PROX2: variants seen among roughly 807,000 people sequenced by gnomAD.
The protein encoded by PROX2 is prospero homeobox 2.
A neutral mutation model predicts 48.9 loss-of-function variants in PROX2; 46 were observed. The observed-to-expected ratio is 0.94, with a 90% CI of 0.74 to 1.20. The LOEUF (loss-of-function observed/expected upper bound fraction) is 1.20. PROX2 is among the 50% of genes most tolerant of loss of function. PROX2 has a pLI of 0.00. For missense variants in PROX2, 663 were observed against 719.4 expected (o/e 0.92, Z 0.90); for synonymous variants, 260 against 276.6 (o/e 0.94, Z 0.60).
intron 2 of PROX2, among the ~76,000 whole-genome samples, chr14:74,870,575 T>C (rs913660831): frequency 3.3e-5 from 5 of 152,156 alleles, no homozygotes; most frequent in African/African-American, 1.2e-4. Flanking sequence ...CTGAATTTTC[T>C]AAATTTTTAA....
intron 2 of PROX2, among the ~76,000 whole-genome samples, chr14:74,870,795 T>G (rs1594864373): frequency 6.6e-6 from 1 of 152,176 alleles, no homozygotes; most frequent in East Asian, 1.9e-4. Context: ...ATCCCAGCAC[T>G]TTGGGAGGCC....
At chr14:74,866,930 G>A (rs546711375) in intron 2 of PROX2, among the ~76,000 whole-genome samples, 17 of 152,308 alleles carry the variant, frequency 1.1e-4, no homozygotes, top group African/African-American at 4.1e-4. Flanking sequence ...ATGTGCTTGA[G>A]TAGGAAGGAG....
chr14:74,856,896 C>T lies in PROX2; in HGVS notation c.1513G>A (p.Asp505Asn), dbSNP rs771597435. Residue 505 changes from aspartate to asparagine, a missense_variant, in exon 5 of 6, where the codon GAT (aspartate) becomes AAT (asparagine). Physicochemically the swap from Asp to Asn is conservative, Grantham distance 23. Transcript: ENST00000556489. ...MEKSARQAIS[D>N]GVTNPKMLVV... is the part of the protein sequence containing the mutation. ...AGCATTTTGGGATTTGTGACACCAT[C>T]TGAAATTGCTTGCCGGGCAGATTTT... 1.2e-5 allele frequency: 20 copies of T among 1,613,994 alleles called. No individual in the cohort carries two copies. Among genetic ancestry groups the T allele is most frequent in the Non-Finnish European group, 1.7e-5 (20 of 1,179,876 alleles).
chr14:74,868,696 G>A (rs1883137034), intron 2 of PROX2, among the ~76,000 whole-genome samples: 1 of 151,984 alleles, frequency 6.6e-6, no homozygotes, highest in African/African-American at 2.4e-5. Context: ...AATTAGCTGG[G>A]CATGGTGGCG....
chr14:74,858,078 T>A (rs900197658), intron 4 of PROX2: 2 of 196,274 alleles, frequency 1.0e-5, no homozygotes, highest in African/African-American at 4.6e-5. Flanking sequence ...TTATTTTTCA[T>A]AGTGTCCCCA....
chr14:74,863,666 C>T lies in PROX2; in HGVS notation c.169G>A (p.Gly57Ser). Residue 57 changes from glycine to serine, a missense_variant, in exon 3 of 6, where the codon GGT becomes AGT. By Grantham distance (56) the Gly-to-Ser change is moderately conservative (BLOSUM62 0). Transcript: ENST00000556489. ...SSSPTDPEWF[G>S]DEHIQAKRAR... is the part of the protein sequence containing the mutation. ...CTCTTTGCCTGGATGTGCTCATCACCAAACCATTCGGGGTCTGTAGGGCTG... is the reference window on the plus strand; with the variant it reads ...CTCTTTGCCTGGATGTGCTCATCACTAAACCATTCGGGGTCTGTAGGGCTG... 6.4e-7 allele frequency: 1 copy of T among 1,566,150 alleles called. No homozygotes were observed. Among genetic ancestry groups the T allele is most frequent in the Non-Finnish European group, 8.6e-7 (1 of 1,157,212 alleles).
In PROX2 at chr14:74,863,412, T is replaced by C; in HGVS notation, c.423A>G (p.Gln141=). ...TGTGCTCTTGCAGATGTCTTAGCTG[T>C]TGCTTCAGCAGATGAAGTTGTTCTC... The part of the protein sequence containing the change: ...RVREQLHLLK[Q]QLRHLQEHIL... Residue 141 remains glutamine, a synonymous_variant, in exon 3 of 6, where the codon CAA becomes CAG. Coordinates refer to ENST00000556489, the MANE Select transcript of PROX2 (RefSeq NM_001243007.2). 1 of 1,613,514 alleles carries C rather than the reference T, an allele frequency of 6.2e-7. No homozygotes were observed. The highest frequency in any genetic ancestry group is 8.5e-7 in the Non-Finnish European group (1 of 1,179,622).
rs753723833 is a variant in PROX2, at chr14:74,856,825, G to C, written c.1584C>G (p.His528Gln). The change falls in exon 5 of 6, where the codon CAC becomes CAG. Residue 528 changes from histidine (H) to glutamine (Q), a missense_variant. Physicochemically the swap from His to Gln is conservative, Grantham distance 24. Coordinates refer to ENST00000556489, the MANE Select transcript of PROX2 (RefSeq NM_001243007.2). ...CCTCAAAGTCATTTCCCTTGTTGTA[G>C]TGCATATTGAGAGCTTGAAAAAGTT... is the stretch of plus-strand genomic sequence containing the variant. ...NSELFQALNM[H>Q]YNKGNDFEVP... 6.2e-7 allele frequency: 1 copy of C among 1,613,928 alleles called. No individual in the cohort carries two copies. The highest frequency in any genetic ancestry group is 8.5e-7 in the Non-Finnish European group (1 of 1,179,820).
chr14:74,873,740 C>T (rs1484590323), intron 1 of PROX2: 6 of 465,066 alleles, frequency 1.3e-5, no homozygotes, highest in African/African-American at 4.0e-5. Context: ...TGGATGGATT[C>T]GAAAAGGCCA....
rs749601374 is a variant in PROX2 at position 74,863,775 on chromosome 14, T to C, written c.60A>G (p.Glu20=). ...PQPQICSHLA[E]ACTEGERSSS... is the part of the protein sequence containing the mutation. Reference sequence around the variant, plus strand: ...AGCTTCTCTCGCCTTCCGTACAAGCTTCTGCTAGGTGGGAGCAGATCTGGG... The same window carrying C: ...AGCTTCTCTCGCCTTCCGTACAAGCCTCTGCTAGGTGGGAGCAGATCTGGG... The change falls in exon 3 of 6, where the codon GAA becomes GAG. Residue 20 remains glutamate, a synonymous_variant. Coordinates refer to ENST00000556489, the MANE Select transcript of PROX2 (RefSeq NM_001243007.2). The C allele has an allele frequency of 6.6e-7, 1 of 1,525,308 alleles. No individual in the cohort carries two copies. The highest frequency in any genetic ancestry group is 2.3e-5 in the East Asian group (1 of 44,068). The allele number at this position is 1,525,308 out of a possible 1,614,324, so 94.5% of individuals were successfully genotyped here.
intron 3 of PROX2, 134 bp downstream of exon 3, chr14:74,862,396 G>A: frequency 1.1e-6 from 1 of 948,228 alleles, no homozygotes; most frequent in Non-Finnish European, 1.5e-6. Flanking sequence ...GTCTAGCTAT[G>A]TTGTGCAGGC....
chr14:74,856,411 A>G (rs1248451057), intron 5 of PROX2: 1 of 171,586 alleles, frequency 5.8e-6, no homozygotes, highest in Non-Finnish European at 1.2e-5. Flanking sequence ...CATGAAAAGC[A>G]TAGAAATTGT....
chr14:74,868,345 ATATATATATATATAT>A (rs1883124202), intron 2 of PROX2, among the ~76,000 whole-genome samples: 9 of 137,074 alleles, frequency 6.6e-5, no homozygotes, highest in African/African-American at 2.1e-4. Flanking sequence ...ATATATATAT[ATATATATATATATAT>A]AAACAAAAAT....
At chr14:74,858,604 T>G in intron 3 of PROX2, 90 bp from the exon 4 acceptor site, 2 of 739,788 alleles carry the variant, frequency 2.7e-6, no homozygotes, top group Non-Finnish European at 2.3e-6. Context: ...TCTATTTGAT[T>G]TCATTTTGTT....
rs1473156340 is a variant in PROX2, at chr14:74,861,174, A to G, written c.1305+1356T>C. 3 of 1,344,234 alleles carry G rather than the reference A, an allele frequency of 2.2e-6. No individual in the cohort carries two copies. The Admixed American group carries it at 5.7e-5, about 26-fold the overall frequency. 83.3% of individuals were successfully genotyped at this position (1,344,234 alleles called of 1,614,324 possible). Reference sequence around the variant, plus strand: ...GGTCCCACCCCATCCTGCTGCCCTCACAGTAGTTGCCAGGCAAAGGACACG... The same window carrying G: ...GGTCCCACCCCATCCTGCTGCCCTCGCAGTAGTTGCCAGGCAAAGGACACG... On this transcript the variant is annotated intron_variant, in intron 3 of 5. Transcript: ENST00000556489.
At chr14:74,860,432 A>T (rs575517229) in intron 3 of PROX2, among the ~76,000 whole-genome samples, 1 of 151,876 alleles carries the variant, frequency 6.6e-6, no homozygotes, top group African/African-American at 2.4e-5. Context: ...TCAAAGCTTT[A>T]TGGGTTTCAG....
rs1282332461 is a variant in PROX2, at chr14:74,853,240, G to A, written c.*1892C>T. ...GAATTTCAGGTTTGGGACAGAAGAAGGGCTGCTCTCTATTGGACAGTCATG... is the reference window on the plus strand; with the variant it reads ...GAATTTCAGGTTTGGGACAGAAGAAAGGCTGCTCTCTATTGGACAGTCATG... On this transcript the variant is annotated 3_prime_UTR_variant, in exon 6 of 6. Coordinates refer to ENST00000556489, the MANE Select transcript of PROX2 (RefSeq NM_001243007.2). The A allele has an allele frequency of 6.6e-6, 1 of 152,192 alleles. No individual in the cohort carries two copies. The highest frequency in any genetic ancestry group is 1.9e-4 in the East Asian group (1 of 5,194). The allele number at this position is 152,192 out of a possible 1,614,324, so 9.4% of individuals were successfully genotyped here.
At position 74,853,665 on chromosome 14, in the gene PROX2, G is replaced by A. The variant is rs1007209757; in HGVS notation, c.*1467C>T. On this transcript the variant is annotated 3_prime_UTR_variant, in exon 6 of 6. Transcript: ENST00000556489. Reference sequence around the variant, plus strand: ...CCACCAGAAAAATTATGGAAGTTGAGTAGCCGAATATGAAACTTGTTTTAT... The same window carrying A: ...CCACCAGAAAAATTATGGAAGTTGAATAGCCGAATATGAAACTTGTTTTAT... 9.9e-5 allele frequency: 15 copies of A among 152,160 alleles called. No homozygotes were observed. Among genetic ancestry groups the A allele is most frequent in the African/African-American group, 3.1e-4 (13 of 41,432 alleles). 9.4% of individuals were successfully genotyped at this position (152,160 alleles called of 1,614,324 possible).
In PROX2 at chr14:74,862,741, T is replaced by TG. The variant is rs2091805948; in HGVS notation, c.1093dup (p.Gln365ProfsTer22). 1.9e-6 allele frequency: 3 copies of TG among 1,613,924 alleles called. No homozygotes were observed. The highest frequency in any genetic ancestry group is 2.2e-5 in the East Asian group (1 of 44,880). ...GGGGTGCCTCTGGGAAGATGAGTCCTGGGGAGGACTGCTACTCCAATGGCC... is the reference window on the plus strand; with the variant it reads ...GGGGTGCCTCTGGGAAGATGAGTCCTGGGGGAGGACTGCTACTCCAATGGCC... On this transcript the variant is annotated frameshift_variant, in exon 3 of 6. Transcript: ENST00000556489. LOFTEE classifies it high-confidence loss of function.
Sources: gnomAD v4.1 joint callset for allele counts (sites outside exome capture counted in the v4.1 genomes callset) on GRCh38, gnomAD v4.1.1 for gene constraint, MANE v1.5 for transcripts, NCBI Gene and HGNC (gene_info 2026-07-23, HGNC 2026-07-21) for gene names.